The following PCSK4 variants were observed in gnomAD, a reference collection of about 807,000 sequenced individuals.
PCSK4 encodes the protein testicular tissue protein Li 135.
In PCSK4, 64 loss-of-function variants were observed where a neutral mutation model predicts 80.3. The ratio of observed to expected loss-of-function variants is 0.80; its 90% CI spans 0.65 to 0.98. The LOEUF (loss-of-function observed/expected upper bound fraction) is 0.98. Among genes scored for constraint, PCSK4 ranks in the 50% least tolerant of loss-of-function variants. PCSK4 has a pLI of 0.00. For synonymous variants in PCSK4, 561 were observed against 487.6 expected (o/e 1.15, Z -1.98); for missense variants, 1,213 against 1,093.6 (o/e 1.11, Z -1.54).
intron 2 of PCSK4, among the ~76,000 whole-genome samples, chr19:1,488,866 C>T (rs1568224386): frequency 1.3e-5 from 2 of 152,200 alleles, no homozygotes; most frequent in Admixed American, 1.3e-4. Flanking sequence ...CAGGCATGAA[C>T]CACCACGCCA....
Position 1,489,976 on chromosome 19 carries a change from T to A in PCSK4, c.190-79A>T, listed in dbSNP as rs2084856689. 3 of 1,536,578 alleles carry A rather than the reference T, an allele frequency of 2.0e-6. No individual in the cohort carries two copies. In the South Asian group the frequency reaches 3.6e-5, roughly 18 times the overall value. On this transcript the variant is annotated intron_variant, in intron 1 of 14. Transcript: ENST00000300954. ...CCCCCGAGGGCCGGTAACAGCCCCC[T>A]TCTTTGTCCTTCCCCAGCAGGTGCT...
intron 8 of PCSK4, 128 bp downstream of exon 8, chr19:1,486,725 C>A: frequency 1.3e-6 from 1 of 787,784 alleles, no homozygotes; most frequent in Non-Finnish European, 2.1e-6. Context: ...AGCCACCGTG[C>A]TCGGCCTGGA....
At chr19:1,483,123 T>C in intron 12 of PCSK4, 103 bp from the exon 13 acceptor site, 1 of 1,282,606 alleles carries the variant, frequency 7.8e-7, no homozygotes, top group Non-Finnish European at 1.1e-6. Context: ...GGTGGCCGCG[T>C]GTCCTCTGGG....
At chr19:1,486,553 C>T (rs2084623716) in intron 8 of PCSK4, among the ~76,000 whole-genome samples, 1 of 152,084 alleles carries the variant, frequency 6.6e-6, no homozygotes, top group Non-Finnish European at 1.5e-5. Flanking sequence ...GCCTCGGCCT[C>T]CCAAAGTGCT....
chr19:1,481,528 G>A (rs917720691), exon 15 of PCSK4: 1 of 417,006 alleles, frequency 2.4e-6, no homozygotes, highest in Non-Finnish European at 4.2e-6. Flanking sequence ...CTGGCTTTTG[G>A]GGTGCTCCAG....
chr19:1,486,997 G>A, exon 8 of PCSK4: 2 of 1,609,838 alleles, frequency 1.2e-6, no homozygotes, highest in Non-Finnish European at 1.7e-6. Context: ...CGTCGCAGTT[G>A]CAGTTGTCGT....
exon 13 of PCSK4, chr19:1,482,945 C>A (rs1300637539): frequency 6.3e-7 from 1 of 1,591,272 alleles, no homozygotes; most frequent in Non-Finnish European, 8.6e-7. Flanking sequence ...TCCACACGCC[C>A]TGTGGGTTCT....
chr19:1,487,797 C>T, exon 5 of PCSK4: 1 of 1,579,802 alleles, frequency 6.3e-7, no homozygotes, highest in East Asian at 2.3e-5. Context: ...GTTCTCTTTG[C>T]TGGGGGTGTA....
At chr19:1,482,712 C>G in intron 13 of PCSK4, 184 bp downstream of exon 13, 1 of 765,070 alleles carries the variant, frequency 1.3e-6, no homozygotes, top group East Asian at 2.7e-5. Flanking sequence ...TTACCGCACA[C>G]CTACTGTGTG....
chr19:1,482,611 A>AGTAGGTGTGCAATTC, intron 13 of PCSK4, 136 bp from the exon 14 acceptor site: 3 of 1,124,804 alleles, frequency 2.7e-6, no homozygotes, highest in Non-Finnish European at 3.7e-6. Context: ...GGAATTGCAC[A>AGTAGGTGTGCAATTC]CCTACTGTGC....
At chr19:1,482,419 G>A (rs139009034) in exon 14 of PCSK4, 80 of 1,607,636 alleles carry the variant, frequency 5.0e-5, no homozygotes, top group African/African-American at 1.5e-4. Flanking sequence ...CCTGTAGGCC[G>A]CGCTGTCATG....
At chr19:1,482,725 T>A in intron 13 of PCSK4, 171 bp downstream of exon 13, 2 of 785,262 alleles carry the variant, frequency 2.5e-6, no homozygotes, top group Non-Finnish European at 4.0e-6. Flanking sequence ...ACTGTGTGCC[T>A]GTCATTGCAC....
At chr19:1,483,510 T>TGGG in intron 11 of PCSK4, 47 bp from the exon 12 acceptor site, 1 of 520,246 alleles carries the variant, frequency 1.9e-6, no homozygotes, top group Non-Finnish European at 2.8e-6. Context: ...TGCTGGGGGG[T>TGGG]GGGTGGGCGG....
intron 5 of PCSK4, 38 bp from the exon 6 acceptor site, chr19:1,487,729 C>T: frequency 6.5e-7 from 1 of 1,548,702 alleles, no homozygotes; most frequent in Non-Finnish European, 8.7e-7. Context: ...GTCACGGCCT[C>T]CATCCCCCTG....
Position 1,483,401 on chromosome 19 carries a change from G to A in PCSK4, c.1454C>T (p.Ser485Phe), listed in dbSNP as rs1274881739. 3 of 1,604,430 alleles carry A rather than the reference G, an allele frequency of 1.9e-6. No individual in the cohort carries two copies. The South Asian group carries it at 3.3e-5, about 18-fold the overall frequency. ...CTGCACGTGCTCCAGCGAGCGGATG[G>A]AGTTGTGGAGGCCGGCGCAGGCCGA... The change falls in exon 12 of 15, where the codon TCC becomes TTC. Residue 485 changes from serine (S) to phenylalanine (F), a missense_variant. Transcript: ENST00000300954.
At chr19:1,490,528 C>G, upstream of PCSK4, 1 of 507,020 alleles carries the variant, frequency 2.0e-6, no homozygotes, top group Non-Finnish European at 3.5e-6. Flanking sequence ...GAGAGGGACG[C>G]ACGCCTGCCC....
In PCSK4 at chr19:1,486,542, C is replaced by T. The variant is rs371265248; in HGVS notation, c.1068+311G>A. On this transcript the variant is annotated intron_variant, in intron 8 of 14. Transcript: ENST00000300954. Reference sequence around the variant, plus strand: ...CGATCTCCCGACCTCGTGATCCACCCGCCTCGGCCTCCCAAAGTGCTGGGA... The same window carrying T: ...CGATCTCCCGACCTCGTGATCCACCTGCCTCGGCCTCCCAAAGTGCTGGGA... Among the ~76,000 whole-genome samples, 90 of 151,838 alleles carry T rather than the reference C, an allele frequency of 5.9e-4. No homozygotes were observed. In the South Asian group the frequency reaches 0.013, roughly 22 times the overall value.
chr19:1,484,931 G>A (rs1248183184), intron 8 of PCSK4, among the ~76,000 whole-genome samples: 1 of 152,032 alleles, frequency 6.6e-6, no homozygotes, highest in Non-Finnish European at 1.5e-5. Context: ...GATTGTTTGA[G>A]CTCAGGAGTT....
At position 1,487,595 on chromosome 19, in the gene PCSK4, C is replaced by T. The variant is rs909549116; in HGVS notation, c.682+8G>A. 1.3e-6 allele frequency: 2 copies of T among 1,548,794 alleles called. No individual in the cohort carries two copies. The highest frequency in any genetic ancestry group is 1.7e-6 in the Non-Finnish European group (2 of 1,145,756). On this transcript the variant is annotated splice_region_variant and intron_variant, in intron 6 of 14. Transcript: ENST00000300954. ...CCCGGAATGGTGCCGCTGGGGGACC[C>T]CGGGTACCTCCGATTCGGGCGTTGA...
Sources: gnomAD v4.1 joint callset for allele counts (sites outside exome capture counted in the v4.1 genomes callset) on GRCh38, gnomAD v4.1.1 for gene constraint, MANE v1.5 for transcripts, NCBI Gene and HGNC (gene_info 2026-07-23, HGNC 2026-07-21) for gene names.